HTR1D: variants seen among roughly 807,000 people sequenced by gnomAD.
The protein encoded by HTR1D is 5-hydroxytryptamine receptor 1D.
A neutral mutation model predicts 21.1 loss-of-function variants in HTR1D; 18 were observed. That is an observed-to-expected ratio of 0.85 (90% confidence interval 0.59 to 1.27). HTR1D has a LOEUF of 1.27. Among genes scored for constraint, HTR1D ranks in the 50% most tolerant of loss-of-function variants. The pLI is 0.00. For synonymous variants in HTR1D, 196 were observed against 204.4 expected, an observed-to-expected ratio of 0.96 and a Z score of 0.35; for missense variants, 456 against 481.4, an observed-to-expected ratio of 0.95 and a Z score of 0.49.
intron 1 of HTR1D, among the ~76,000 whole-genome samples, chr1:23,212,904 G>T (rs941561091): frequency 6.6e-6 from 1 of 151,074 alleles, no homozygotes; most frequent in Non-Finnish European, 1.5e-5. Flanking sequence ...TCCACTCACT[G>T]CAACCTCTGC....
At chr1:23,199,407 T>G (rs1644701397) in intron 1 of HTR1D, among the ~76,000 whole-genome samples, 2 of 137,994 alleles carry the variant, frequency 1.4e-5, no homozygotes, top group African/African-American at 2.7e-5. Context: ...TGAGCCGCCA[T>G]GTGTGGTCTT....
intron 1 of HTR1D, among the ~76,000 whole-genome samples, chr1:23,213,341 G>T (rs1399235778): frequency 6.6e-6 from 1 of 152,152 alleles, no homozygotes. Flanking sequence ...TTAGCTGTGC[G>T]TGGTGGTGTG....
intron 1 of HTR1D, among the ~76,000 whole-genome samples, chr1:23,208,565 C>G (rs1644740916): frequency 6.6e-6 from 1 of 151,028 alleles, no homozygotes; most frequent in African/African-American, 2.4e-5. Flanking sequence ...GAGCGAAACC[C>G]CATCTCAAAA....
chr1:23,195,571 T>G (rs1011615142), intron 1 of HTR1D, among the ~76,000 whole-genome samples: 1 of 152,136 alleles, frequency 6.6e-6, no homozygotes, highest in African/African-American at 2.4e-5. Flanking sequence ...CCCAAGTAGC[T>G]GGGACTACAG....
At chr1:23,211,280 C>T (rs887578892) in intron 1 of HTR1D, among the ~76,000 whole-genome samples, 1 of 152,162 alleles carries the variant, frequency 6.6e-6, no homozygotes, top group African/African-American at 2.4e-5. Flanking sequence ...GGACTCTCCT[C>T]TTAGGAGGAC....
rs1218983999 is a variant in HTR1D at position 23,217,324 on chromosome 1, G to T, written c.-816C>A. Among the ~76,000 whole-genome samples the T allele has an allele frequency of 6.6e-6, 1 of 151,590 alleles. No homozygotes were observed. The highest frequency in any genetic ancestry group is 2.4e-5 in the African/African-American group (1 of 41,302). ...CGGCGGGCAGGTGCGCACACCCGGC[G>T]TACCCGCCCGATCCACTTCCTCGCG... On this transcript the variant is annotated 5_prime_UTR_variant, in exon 1 of 2. Transcript: ENST00000374619. The surrounding 1 kb of genome is among the most constrained non-coding windows in gnomAD (Gnocchi z 4.6).
Position 23,193,609 on chromosome 1 carries a change from C to T in HTR1D, c.611G>A (p.Gly204Glu). The change falls in exon 2 of 2, where the codon GGG becomes GAG. Residue 204 changes from glycine to glutamate, a missense_variant. By Grantham distance (98) the Gly-to-Glu change is moderately conservative. Coordinates refer to ENST00000374619, the MANE Select transcript of HTR1D (RefSeq NM_000864.5). The part of the protein sequence containing the change: ...QISYTIYSTC[G>E]AFYIPSVLLI... ...CAACACCGAGGGAATGTAGAAGGCC[C>T]CACAGGTGGAGTAGATGGTGTAGGA... 1 of 1,614,104 alleles carries T rather than the reference C, an allele frequency of 6.2e-7. No homozygotes were observed. Among genetic ancestry groups the T allele is most frequent in the South Asian group, 1.1e-5 (1 of 91,086 alleles).
chr1:23,215,336 G>C (rs1439876573), intron 1 of HTR1D, among the ~76,000 whole-genome samples: 1 of 152,126 alleles, frequency 6.6e-6, no homozygotes, highest in Non-Finnish European at 1.5e-5. Context: ...AGGATCACTT[G>C]AACTCAGGAA....
At chr1:23,199,640 G>A (rs1242619801) in intron 1 of HTR1D, among the ~76,000 whole-genome samples, 1 of 151,756 alleles carries the variant, frequency 6.6e-6, no homozygotes, top group East Asian at 1.9e-4. Context: ...AATATTAATT[G>A]TTATTCGTGT....
intron 1 of HTR1D, among the ~76,000 whole-genome samples, chr1:23,206,243 C>T (rs555961312): frequency 3.3e-5 from 5 of 151,924 alleles, no homozygotes; most frequent in African/African-American, 4.8e-5. Context: ...GGGGTTTCAC[C>T]GTGGTTTCGA....
chr1:23,194,129 G>A lies in HTR1D; in HGVS notation c.91C>T (p.Pro31Ser), dbSNP rs776156764. 12 of 1,614,016 alleles carry A rather than the reference G, an allele frequency of 7.4e-6. No individual in the cohort carries two copies. The highest frequency in any genetic ancestry group is 1.1e-5 in the South Asian group (1 of 91,082). ...ATCTTGAGCGCCTGGAGGGTCCTGG[G>A]ATCCCAAGCCTCTGAGGTTTCTGTG... ...NATETSEAWD[P>S]RTLQALKISL... Residue 31 changes from proline (P) to serine (S), a missense_variant, in exon 2 of 2, where the codon CCC (proline) becomes TCC (serine). Transcript: ENST00000374619.
At chr1:23,195,626 A>G (rs1644685776) in intron 1 of HTR1D, among the ~76,000 whole-genome samples, 2 of 152,096 alleles carry the variant, frequency 1.3e-5, no homozygotes, top group African/African-American at 4.8e-5. Flanking sequence ...TTTAGTAGAG[A>G]TGGGGTTTCA....
rs1644669457 is a variant in HTR1D, at chr1:23,193,489, A to G, written c.731T>C (p.Leu244Pro). The change falls in exon 2 of 2, where the codon CTC becomes CCC. Residue 244 changes from leucine to proline, a missense_variant. Physicochemically the swap from Leu to Pro is moderately conservative, Grantham distance 98 (BLOSUM62 -3). Transcript: ENST00000374619. ...CGAGGACCCGGCAGAGCCTGTGATG[A>G]GGTGGGCCGTGGTGAAGCGCTTCCC... ...LYGKRFTTAH[L>P]ITGSAGSSLC... 6.2e-7 allele frequency: 1 copy of G among 1,613,942 alleles called. No homozygotes were observed. Among genetic ancestry groups the G allele is most frequent in the Admixed American group, 1.7e-5 (1 of 59,996 alleles).
In HTR1D at chr1:23,192,300, C is replaced by T. The variant is rs542919197; in HGVS notation, c.*786G>A. ...TCTAAGAAAGACTCAGTGGAAGAAA[C>T]GCATGGATATTATTTTCCAATCAAG... On this transcript the variant is annotated 3_prime_UTR_variant, in exon 2 of 2. Transcript: ENST00000374619. The T allele has an allele frequency of 1.6e-4, 24 of 152,546 alleles. No homozygotes were observed. The highest frequency in any genetic ancestry group is 2.9e-4 in the Non-Finnish European group (20 of 68,034). 9.4% of individuals were successfully genotyped at this position (152,546 alleles called of 1,614,324 possible).
At chr1:23,205,663 C>A (rs1057171847) in intron 1 of HTR1D, among the ~76,000 whole-genome samples, 1 of 152,188 alleles carries the variant, frequency 6.6e-6, no homozygotes, top group African/African-American at 2.4e-5. Flanking sequence ...CCTGCCTCAG[C>A]CTCCCGAGTA....
At chr1:23,196,917 G>T (rs551413864) in intron 1 of HTR1D, among the ~76,000 whole-genome samples, 1 of 151,180 alleles carries the variant, frequency 6.6e-6, no homozygotes, top group Non-Finnish European at 1.5e-5. Flanking sequence ...GCCCCCACTC[G>T]CCCCAGGCTC....
intron 1 of HTR1D, among the ~76,000 whole-genome samples, chr1:23,215,653 G>C (rs944508): frequency 0.82 from 124,247 of 152,250 alleles, 50,813 homozygotes; most frequent in South Asian, 0.9. Context: ...GAAGGGATGA[G>C]CCAGTGGTCC....
chr1:23,202,066 G>A (rs890847942), intron 1 of HTR1D, among the ~76,000 whole-genome samples: 23 of 151,728 alleles, frequency 1.5e-4, no homozygotes, highest in African/African-American at 4.6e-4. Context: ...TTTATTTTTC[G>A]TGGTTTTTTG....
intron 1 of HTR1D, among the ~76,000 whole-genome samples, chr1:23,201,304 G>A (rs1267146089): frequency 6.6e-6 from 1 of 152,154 alleles, no homozygotes; most frequent in African/African-American, 2.4e-5. Flanking sequence ...CAAAAAGCAG[G>A]TCTGTAGAGA....
Sources: allele counts gnomAD v4.1 joint callset (sites outside exome capture counted in the v4.1 genomes callset), GRCh38; gene constraint gnomAD v4.1.1; non-coding constraint Gnocchi (gnomAD v3.1); transcripts MANE v1.5; gene names NCBI Gene and HGNC (gene_info 2026-07-23, HGNC 2026-07-21).